ARHGEF10: variants seen among roughly 807,000 people sequenced by gnomAD.
ARHGEF10 encodes the protein Rho guanine nucleotide exchange factor (GEF) 10.
ARHGEF10 carries 140 observed loss-of-function variants against 147.4 expected under a neutral mutation model. That is an observed-to-expected ratio of 0.95 (90% CI 0.83 to 1.09). The LOEUF (loss-of-function observed/expected upper bound fraction) is 1.09. ARHGEF10 is among the 50% of genes least tolerant of loss of function. ARHGEF10 has a pLI of 0.00. For missense variants in ARHGEF10, 2,222 were observed against 1,752.7 expected, an observed-to-expected ratio of 1.27 and a Z score of -4.78; for synonymous variants, 902 against 695.8, an observed-to-expected ratio of 1.30 and a Z score of -4.67.
At chr8:1,899,986 G>A (rs1810323986) in intron 15 of ARHGEF10, among the ~76,000 whole-genome samples, 2 of 152,240 alleles carry the variant, frequency 1.3e-5, no homozygotes, top group Non-Finnish European at 2.9e-5. Context: ...GCGCCAGTGA[G>A]TCCCTGGGTC....
chr8:1,831,568 C>T (rs1231487640), intron 1 of ARHGEF10, among the ~76,000 whole-genome samples: 8 of 94,018 alleles, frequency 8.5e-5, no homozygotes, highest in South Asian at 3.7e-4. Flanking sequence ...AGTGTGACAT[C>T]CGTGGAGGGA....
In ARHGEF10 at chr8:1,890,182, GGAGACACTGAATAGGGTGAGGGTTGTGAA is replaced by G. The variant is rs1207382702; in HGVS notation, c.1183-3376_1183-3348del. On this transcript the variant is annotated intron_variant, in intron 11 of 28. Transcript: ENST00000349830. ...CACTGAGTGGGGTGAGGGTTTGTGA[GGAGACACTGAATAGGGTGAGGGTTGTGAA>G]GAGACACTGAGTGGGGTGAGGGTTT... is the stretch of plus-strand genomic sequence containing the variant. Among the ~76,000 whole-genome samples, 172 of 75,790 alleles carry G rather than the reference GGAGACACTGAATAGGGTGAGGGTTGTGAA, an allele frequency of 2.3e-3. 1 individual carries two copies. The highest frequency in any genetic ancestry group is 8.0e-3 in the African/African-American group (151 of 18,834). The allele number at this position is 75,790 out of a possible 152,430, so 49.7% of individuals were successfully genotyped here.
chr8:1,932,574 G>A (rs189980786), intron 25 of ARHGEF10, among the ~76,000 whole-genome samples: 22 of 152,344 alleles, frequency 1.4e-4, no homozygotes, highest in Admixed American at 8.5e-4. Flanking sequence ...ATCACATAAT[G>A]ATAGACTGGG....
rs763697495 is a variant in ARHGEF10, at chr8:1,945,564, C to T, written c.3306C>T (p.Thr1102=). ...VSGVGIWIAF[T]SGSTLRLFHT... ...GCGTCGGGATCTGGATTGCCTTCAC[C>T]TCAGGGTCCACGCTCCGCCTTTTTC... The change falls in exon 27 of 29, where the codon ACC becomes ACT. Residue 1102 remains threonine, a synonymous_variant. Coordinates refer to ENST00000349830, the MANE Select transcript of ARHGEF10 (RefSeq NM_014629.4). The T allele has an allele frequency of 1.9e-6, 3 of 1,614,246 alleles. No individual in the cohort carries two copies. In the Admixed American group the frequency reaches 5.0e-5, roughly 27 times the overall value.
chr8:1,835,967 C>T (rs1325780886), intron 1 of ARHGEF10, among the ~76,000 whole-genome samples: 2 of 152,104 alleles, frequency 1.3e-5, no homozygotes, highest in Non-Finnish European at 2.9e-5. Flanking sequence ...AGATCACGAG[C>T]TCAGGAGATC....
At chr8:1,926,533 G>T in intron 23 of ARHGEF10, 70 bp downstream of exon 23, 2 of 1,427,932 alleles carry the variant, frequency 1.4e-6, no homozygotes, top group Non-Finnish European at 2.0e-6. Flanking sequence ...TGTGATGAGA[G>T]ACTGAGATGT....
intron 1 of ARHGEF10, among the ~76,000 whole-genome samples, chr8:1,840,854 T>G (rs1365978450): frequency 2.0e-5 from 3 of 152,224 alleles, no homozygotes; most frequent in African/African-American, 4.8e-5. Context: ...ACCTCCCGCC[T>G]CACGGGTGCT....
Position 1,903,375 on chromosome 8 carries a change from A to G in ARHGEF10, c.1745A>G (p.Glu582Gly). ...GAAACACTAGCAGAGAAGTTAAATG[A>G]AAGAAAGAGAGATGCTGATCAACGC... ...ELETLAEKLN[E>G]RKRDADQRCE... Residue 582 changes from glutamate (E) to glycine (G), a missense_variant, in exon 16 of 29, where the codon GAA becomes GGA. Physicochemically the swap from Glu to Gly is moderately conservative, Grantham distance 98. Transcript: ENST00000349830. 6.2e-7 allele frequency: 1 copy of G among 1,614,214 alleles called. No homozygotes were observed. The highest frequency in any genetic ancestry group is 1.7e-4 in the Middle Eastern group (1 of 6,060).
intron 26 of ARHGEF10, among the ~76,000 whole-genome samples, chr8:1,944,528 G>A (rs944434025): frequency 1.3e-5 from 2 of 152,262 alleles, no homozygotes; most frequent in Admixed American, 1.3e-4. Context: ...TGTGTGTGGA[G>A]TCAGCAGTCT....
chr8:1,869,504 A>G lies in ARHGEF10; in HGVS notation c.679+254A>G, dbSNP rs1461591130. 3 of 610,234 alleles carry G rather than the reference A, an allele frequency of 4.9e-6. No individual in the cohort carries two copies. In the East Asian group the frequency reaches 8.7e-5, roughly 18 times the overall value. 37.8% of individuals were successfully genotyped at this position (610,234 alleles called of 1,614,324 possible). ...AAACAGAGGAGTAAAGGTACAGAAAATGCCGGCAAAGAGGTAGGAAACACA... is the reference window on the plus strand; with the variant it reads ...AAACAGAGGAGTAAAGGTACAGAAAGTGCCGGCAAAGAGGTAGGAAACACA... On this transcript the variant is annotated intron_variant, in intron 7 of 28. Coordinates refer to ENST00000349830, the MANE Select transcript of ARHGEF10 (RefSeq NM_014629.4).
Position 1,958,558 on chromosome 8 carries a change from T to A in ARHGEF10, c.*1295T>A, listed in dbSNP as rs533567930. 6.6e-6 allele frequency: 1 copy of A among 152,228 alleles called. No individual in the cohort carries two copies. Among genetic ancestry groups the A allele is most frequent in the Non-Finnish European group, 1.5e-5 (1 of 68,044 alleles). 9.4% of individuals were successfully genotyped at this position (152,228 alleles called of 1,614,324 possible). A position where few individuals can be genotyped will look rare whatever the true frequency, so the allele number is the denominator to read the frequency against. The stretch of plus-strand genomic sequence containing the variant: ...TGTTCTAGGTTGCATATATCCCCCA[T>A]GTGAAAGTGATTTCTTCCCAAGCTT... On this transcript the variant is annotated 3_prime_UTR_variant, in exon 29 of 29. Coordinates refer to ENST00000349830, the MANE Select transcript of ARHGEF10 (RefSeq NM_014629.4).
rs562658664 is a variant in ARHGEF10 at position 1,867,791 on chromosome 8, C to T, written c.622+1189C>T. On this transcript the variant is annotated intron_variant, in intron 6 of 28. Transcript: ENST00000349830. The stretch of plus-strand genomic sequence containing the variant: ...CTCACTAATTTCTATGTTACTGTTT[C>T]ATATGATCAACTTACAAGGTAGAAC... Among the ~76,000 whole-genome samples, 13 of 152,322 alleles carry T rather than the reference C, an allele frequency of 8.5e-5. No homozygotes were observed. The South Asian group carries it at 1.2e-3, about 15-fold the overall frequency.
chr8:1,874,882 G>A (rs1042691912), intron 7 of ARHGEF10, among the ~76,000 whole-genome samples: 1 of 64,382 alleles, frequency 1.6e-5, no homozygotes, highest in African/African-American at 6.3e-5. Context: ...GTGGGAGAGT[G>A]CAGACACACC....
rs1390433087 is a variant in ARHGEF10 at position 1,903,463 on chromosome 8, T to G, written c.1821+12T>G. 1.9e-6 allele frequency: 3 copies of G among 1,613,650 alleles called. No homozygotes were observed. The highest frequency in any genetic ancestry group is 2.5e-6 in the Non-Finnish European group (3 of 1,180,014). On this transcript the variant is annotated intron_variant, in intron 16 of 28. Coordinates refer to ENST00000349830, the MANE Select transcript of ARHGEF10 (RefSeq NM_014629.4). ...GATACCTGAACAAGGTTGAGAGAGG[T>G]TTTCTTCAACTCTATTCCAAAATTA...
At chr8:1,862,775 CTTTTTTTTT>C (rs10594929) in intron 4 of ARHGEF10, among the ~76,000 whole-genome samples, 1 of 120,508 alleles carries the variant, frequency 8.3e-6, no homozygotes, top group Non-Finnish European at 1.7e-5. Context: ...TTTTCTTCTT[CTTTTTTTTT>C]TTTTTTTTTT....
intron 18 of ARHGEF10, among the ~76,000 whole-genome samples, chr8:1,911,919 T>C (rs1811387995): frequency 6.6e-6 from 1 of 152,240 alleles, no homozygotes; most frequent in Admixed American, 6.5e-5. Flanking sequence ...TCCGGTTCTC[T>C]TGGTTTGTCA....
intron 28 of ARHGEF10, 129 bp downstream of exon 28, chr8:1,952,956 A>G (rs1478740635): frequency 7.4e-7 from 1 of 1,350,844 alleles, no homozygotes; most frequent in Non-Finnish European, 1.0e-6. Flanking sequence ...TTTTCAGTGT[A>G]TTATAATGAC....
At position 1,896,332 on chromosome 8, in the gene ARHGEF10, G is replaced by A. The variant is rs997062392; in HGVS notation, c.1441-1G>A. On this transcript the variant is annotated splice_acceptor_variant, in intron 13 of 28. Transcript: ENST00000349830. LOFTEE classifies it high-confidence loss of function. ...TCTCTGAATTTCCTCCTGTGTTTCA[G>A]TTTTCTAAGTCCATGGTGCTGGATG... The A allele has an allele frequency of 1.9e-6, 3 of 1,610,440 alleles. No homozygotes were observed. The highest frequency in any genetic ancestry group is 2.5e-6 in the Non-Finnish European group (3 of 1,176,886).
In ARHGEF10 at chr8:1,885,621, G is replaced by A. The variant is rs766540234; in HGVS notation, c.1096G>A (p.Glu366Lys). Reference protein sequence around the residue: ...IAQDHRSSLEEEQNLFIDVDC... With the variant: ...IAQDHRSSLEKEQNLFIDVDC... ...TTAAGATCACAGATCTTCTCTTGAG[G>A]AAGAACAGAATTTGTTCATTGATGT... Residue 366 changes from glutamate to lysine, a missense_variant, in exon 11 of 29, where the codon GAA (glutamate) becomes AAA (lysine). Transcript: ENST00000349830. The A allele has an allele frequency of 1.6e-5, 26 of 1,613,380 alleles. No individual in the cohort carries two copies. Among genetic ancestry groups the A allele is most frequent in the Non-Finnish European group, 2.0e-5 (24 of 1,179,690 alleles).
Sources: gnomAD v4.1 joint callset for allele counts (sites outside exome capture counted in the v4.1 genomes callset) on GRCh38, gnomAD v4.1.1 for gene constraint, MANE v1.5 for transcripts, NCBI Gene and HGNC (gene_info 2026-07-23, HGNC 2026-07-21) for gene names.